The following FRAS1 variants were observed in gnomAD, a reference collection of about 807,000 sequenced individuals.
FRAS1 encodes extracellular matrix organizing protein FRAS1.
Under a neutral mutation model 435.2 loss-of-function variants are expected in FRAS1, and 290 were observed. The ratio of observed to expected loss-of-function variants is 0.67; its 90% CI spans 0.61 to 0.73. The LOEUF is 0.73. Ranked by LOEUF, FRAS1 falls within the 30% of genes least tolerant of loss-of-function variation. The pLI, the probability that FRAS1 is intolerant of heterozygous loss-of-function variation, is 0.00. For missense variants in FRAS1, 4,860 were observed against 5,001.5 expected (o/e 0.97, Z 0.85); for synonymous variants, 1,800 against 1,851.0 (o/e 0.97, Z 0.71).
rs878902352 is a variant in FRAS1, at chr4:78,317,396, T to C, written c.1848T>C (p.Ser616=). ...KVCHNSCASC[S]GPTPSHCTAC... is the part of the protein sequence containing the mutation. ...GTCATAACTCATGTGCCAGCTGCTC[T>C]GGGCCCACACCCTCTCACTGTACAG... Residue 616 remains serine (S), a synonymous_variant, in exon 17 of 74, where the codon TCT becomes TCC. Transcript: ENST00000512123. 2 of 1,613,888 alleles carry C rather than the reference T, an allele frequency of 1.2e-6. No individual in the cohort carries two copies. Among genetic ancestry groups the C allele is most frequent in the South Asian group, 2.2e-5 (2 of 91,076 alleles).
chr4:78,219,301 CA>C (rs1723940257), intron 2 of FRAS1, among the ~76,000 whole-genome samples: 1 of 152,062 alleles, frequency 6.6e-6, no homozygotes, highest in African/African-American at 2.4e-5. Flanking sequence ...TTTGAATTTT[CA>C]TGAGTATGTT....
At chr4:78,097,649 A>G (rs1223074394) in intron 2 of FRAS1, among the ~76,000 whole-genome samples, 1 of 142,908 alleles carries the variant, frequency 7.0e-6, no homozygotes, top group Non-Finnish European at 1.5e-5. Context: ...ATCATATGAG[A>G]CTTATTCACT....
At chr4:78,419,340 C>T (rs1234320242) in intron 33 of FRAS1, among the ~76,000 whole-genome samples, 5 of 152,160 alleles carry the variant, frequency 3.3e-5, no homozygotes, top group Non-Finnish European at 5.9e-5. Context: ...GGGTTGAGCT[C>T]CCCTCCCATG....
intron 2 of FRAS1, among the ~76,000 whole-genome samples, chr4:78,170,225 A>G (rs1166577979): frequency 6.6e-6 from 1 of 152,000 alleles, no homozygotes; most frequent in African/African-American, 2.4e-5. Flanking sequence ...TTTGTTTACT[A>G]TTTATCTTCT....
At chr4:78,502,233 A>C (rs1279814920) in intron 61 of FRAS1, among the ~76,000 whole-genome samples, 1 of 152,082 alleles carries the variant, frequency 6.6e-6, no homozygotes, top group Non-Finnish European at 1.5e-5. Context: ...AATTTAAAGT[A>C]GTTTTTTTCC....
chr4:78,201,106 T>C (rs1001206344), intron 2 of FRAS1, among the ~76,000 whole-genome samples: 6 of 152,076 alleles, frequency 3.9e-5, no homozygotes, highest in African/African-American at 1.4e-4. Flanking sequence ...AGGGCACATA[T>C]TTCACTGTGG....
chr4:78,118,601 C>A (rs1369065634), intron 2 of FRAS1, among the ~76,000 whole-genome samples: 1 of 152,176 alleles, frequency 6.6e-6, no homozygotes, highest in African/African-American at 2.4e-5. Flanking sequence ...GCTCCGTGGG[C>A]ATAGGACCCT....
chr4:78,535,600 A>G (rs1186424970), intron 71 of FRAS1, among the ~76,000 whole-genome samples: 1 of 152,074 alleles, frequency 6.6e-6, no homozygotes, highest in Non-Finnish European at 1.5e-5. Context: ...CGTCCCATCT[A>G]TCATTAAGAT....
Position 78,139,879 on chromosome 4 carries a change from T to C in FRAS1, c.108+73863T>C, listed in dbSNP as rs1280302140. On this transcript the variant is annotated intron_variant, in intron 2 of 73. Transcript: ENST00000512123. ...CTGGCTGAGACTTGCTATCTAGAGA[T>C]ATTGGTGAACTATATTGTTATAATT... Among the ~76,000 whole-genome samples, 3 of 152,226 alleles carry C rather than the reference T, an allele frequency of 2.0e-5. No homozygotes were observed. The East Asian group carries it at 5.8e-4, about 29-fold the overall frequency.
intron 2 of FRAS1, chr4:78,181,096 C>T: frequency 1.9e-6 from 3 of 1,560,066 alleles, no homozygotes; most frequent in Non-Finnish European, 2.7e-6. Context: ...TCAGCATAAG[C>T]CTCTTCACTC....
intron 2 of FRAS1, among the ~76,000 whole-genome samples, chr4:78,235,829 G>GGTGCA (rs1275634876): frequency 1.3e-5 from 2 of 152,330 alleles, no homozygotes; most frequent in African/African-American, 4.8e-5. Flanking sequence ...CATGCCAGTA[G>GGTGCA]TCCCACCTAC....
At chr4:78,416,874 G>C (rs1733576371) in intron 32 of FRAS1, among the ~76,000 whole-genome samples, 1 of 152,114 alleles carries the variant, frequency 6.6e-6, no homozygotes, top group Non-Finnish European at 1.5e-5. Context: ...GGGAGAGACT[G>C]TGGCCCTCAG....
At chr4:78,122,942 T>C (rs989301755) in intron 2 of FRAS1, among the ~76,000 whole-genome samples, 2 of 152,172 alleles carry the variant, frequency 1.3e-5, no homozygotes, top group African/African-American at 2.4e-5. Context: ...TTCACTCTGA[T>C]GGTAGTTTCT....
At chr4:78,078,315 T>C in intron 2 of FRAS1, among the ~76,000 whole-genome samples, 1 of 152,304 alleles carries the variant, frequency 6.6e-6, no homozygotes, top group African/African-American at 2.4e-5. Context: ...AGTCATGTGG[T>C]ATACATTTTT....
chr4:78,502,003 G>T (rs1251428790), intron 61 of FRAS1, among the ~76,000 whole-genome samples: 1 of 152,140 alleles, frequency 6.6e-6, no homozygotes, highest in East Asian at 1.9e-4. Flanking sequence ...GCTTTTGTCA[G>T]GTTTGTCAAA....
chr4:78,489,160 T>C (rs1386162409), intron 59 of FRAS1, 80 bp downstream of exon 59: 4 of 1,375,374 alleles, frequency 2.9e-6, no homozygotes, highest in African/African-American at 2.9e-5. Flanking sequence ...TTATATAAAT[T>C]CCAAAAATTC....
intron 54 of FRAS1, among the ~76,000 whole-genome samples, chr4:78,476,941 A>G (rs918534790): frequency 1.3e-5 from 2 of 151,946 alleles, no homozygotes; most frequent in Non-Finnish European, 2.9e-5. Flanking sequence ...AGTTTTGGGC[A>G]AGTCCATAGT....
chr4:78,070,283 C>G (rs1259029074), intron 2 of FRAS1, among the ~76,000 whole-genome samples: 1 of 151,282 alleles, frequency 6.6e-6, no homozygotes, highest in Non-Finnish European at 1.5e-5. Flanking sequence ...ATACCTCCCC[C>G]CACTTTGTAT....
chr4:78,222,736 C>G (rs1331372831), intron 2 of FRAS1, among the ~76,000 whole-genome samples: 1 of 152,148 alleles, frequency 6.6e-6, no homozygotes, highest in Non-Finnish European at 1.5e-5. Context: ...CTTTTCAGTC[C>G]CTTTCATCTT....
Sources: allele counts gnomAD v4.1 joint callset (sites outside exome capture counted in the v4.1 genomes callset), GRCh38; gene constraint gnomAD v4.1.1; transcripts MANE v1.5; gene names NCBI Gene and HGNC (gene_info 2026-07-23, HGNC 2026-07-21).